PREX1: variants seen among roughly 807,000 people sequenced by gnomAD.
PREX1 encodes the protein phosphatidylinositol 3,4,5-trisphosphate-dependent Rac exchanger 1 protein.
In PREX1, 41 loss-of-function variants were observed where a neutral mutation model predicts 198.3. The ratio of observed to expected loss-of-function variants is 0.21; its 90% CI spans 0.16 to 0.27. PREX1 has a LOEUF of 0.27. Ranked by LOEUF, PREX1 falls within the 10% of genes least tolerant of loss-of-function variation. The pLI is 1.00. For synonymous variants in PREX1, 843 were observed against 887.2 expected (o/e 0.95, Z 0.89); for missense variants, 1,620 against 2,200.7 (o/e 0.74, Z 5.28).
At chr20:48,772,379 T>C (rs955768634) in intron 1 of PREX1, among the ~76,000 whole-genome samples, 2 of 152,136 alleles carry the variant, frequency 1.3e-5, no homozygotes, top group African/African-American at 4.8e-5. Context: ...GGCAGCCCTG[T>C]TTCTGGTGAA....
intron 1 of PREX1, among the ~76,000 whole-genome samples, chr20:48,808,640 A>G (rs991130207): frequency 1.3e-5 from 2 of 151,980 alleles, no homozygotes; most frequent in Non-Finnish European, 2.9e-5. Flanking sequence ...ACACCACCTC[A>G]CTCAGCGACA....
chr20:48,650,724 C>T (rs544020463), intron 23 of PREX1, among the ~76,000 whole-genome samples, 170 bp downstream of exon 23: 2 of 152,362 alleles, frequency 1.3e-5, no homozygotes, highest in Non-Finnish European at 1.5e-5. Context: ...GGCCGCACTG[C>T]TATGATGTGA....
intron 1 of PREX1, among the ~76,000 whole-genome samples, chr20:48,793,293 A>G (rs566658071): frequency 6.6e-5 from 10 of 152,296 alleles, no homozygotes; most frequent in East Asian, 1.9e-4. Context: ...GTGACTACCA[A>G]TGGGTTTGGG....
intron 9 of PREX1, 138 bp from the exon 10 acceptor site, chr20:48,688,942 G>T: frequency 2.1e-6 from 2 of 968,246 alleles, no homozygotes; most frequent in East Asian, 2.5e-5. Flanking sequence ...CCACCACCAC[G>T]CCAGCAGCAG....
At chr20:48,842,264 C>T in the PREX1 span, among the ~76,000 whole-genome samples, 2 of 152,088 alleles carry the variant, frequency 1.3e-5, no homozygotes, top group South Asian at 2.1e-4. Flanking sequence ...TTTCTCCTAC[C>T]AATAACTTTC....
At chr20:48,773,458 G>A (rs961440867) in intron 1 of PREX1, among the ~76,000 whole-genome samples, 1 of 152,128 alleles carries the variant, frequency 6.6e-6, no homozygotes, top group Non-Finnish European at 1.5e-5. Flanking sequence ...CAACCACAGA[G>A]CAGCAAGGAA....
At chr20:48,813,482 C>T (rs2090445475) in intron 1 of PREX1, among the ~76,000 whole-genome samples, 1 of 152,198 alleles carries the variant, frequency 6.6e-6, no homozygotes, top group Non-Finnish European at 1.5e-5. Context: ...ATAGACTGTG[C>T]ATTGTATCAT....
At chr20:48,869,445 T>C in the PREX1 span, among the ~76,000 whole-genome samples, 1 of 152,106 alleles carries the variant, frequency 6.6e-6, no homozygotes, top group Non-Finnish European at 1.5e-5. Flanking sequence ...ATTACAGGCA[T>C]GAGCTACCTT....
rs6066833 is a variant in PREX1, at chr20:48,737,957, G to A, written c.415-3307C>T. 2.9e-4 allele frequency among the ~76,000 whole-genome samples: 44 copies of A among 152,272 alleles called. No individual in the cohort carries two copies. The East Asian group carries it at 5.0e-3, about 17-fold the overall frequency. ...CACTGACATGCATCAGTAAAGTCCT[G>A]TATTTGTTTAAGCCTATCTGAACTG... On this transcript the variant is annotated intron_variant, in intron 3 of 39. Coordinates refer to ENST00000371941, the MANE Select transcript of PREX1 (RefSeq NM_020820.4).
chr20:48,836,916 A>G, the PREX1 span, among the ~76,000 whole-genome samples: 2 of 150,780 alleles, frequency 1.3e-5, no homozygotes, highest in East Asian at 3.9e-4. Context: ...AAAAAAAAAA[A>G]AAAAAAAAAA....
intron 16 of PREX1, among the ~76,000 whole-genome samples, chr20:48,659,572 T>C (rs1301840155): frequency 6.6e-6 from 1 of 152,046 alleles, no homozygotes; most frequent in South Asian, 2.1e-4. Flanking sequence ...AGCCTCTGTC[T>C]TGACTGCCTG....
At chr20:48,698,862 G>A (rs556076947) in intron 7 of PREX1, among the ~76,000 whole-genome samples, 78 of 152,318 alleles carry the variant, frequency 5.1e-4, no homozygotes, top group Middle Eastern at 3.4e-3. Context: ...CTGATCTTCC[G>A]TGGTCCTAAG....
intron 6 of PREX1, among the ~76,000 whole-genome samples, chr20:48,707,696 A>C (rs1414416295): frequency 6.6e-6 from 1 of 152,172 alleles, no homozygotes; most frequent in Non-Finnish European, 1.5e-5. Flanking sequence ...TAATCTAAGG[A>C]AGGCAAGGGG....
intron 1 of PREX1, among the ~76,000 whole-genome samples, chr20:48,753,059 T>C (rs2090140927): frequency 6.6e-6 from 1 of 152,176 alleles, no homozygotes; most frequent in Non-Finnish European, 1.5e-5. Context: ...TATCCAGGTC[T>C]TCTGGGGCAT....
At position 48,652,705 on chromosome 20, in the gene PREX1, C is replaced by G. The variant is rs1328075600; in HGVS notation, c.2348G>C (p.Gly783Ala). Residue 783 changes from glycine to alanine, a missense_variant and splice_region_variant, in exon 21 of 40, where the codon GGC becomes GCC. By Grantham distance (60) the Gly-to-Ala change is moderately conservative. This residue lies in a region of PREX1 where 514 missense variants were observed against 611.6 expected (regional missense o/e 0.84). Coordinates refer to ENST00000371941, the MANE Select transcript of PREX1 (RefSeq NM_020820.4). ...AFRSRREEAL[G>A]LYQWIYHTHE... ...GGTGTGGTAGATCCACTGGTACAGGCCCTGCCAGAAGCCAGAGTAAGGGGA... is the reference window on the plus strand; with the variant it reads ...GGTGTGGTAGATCCACTGGTACAGGGCCTGCCAGAAGCCAGAGTAAGGGGA... The G allele has an allele frequency of 3.7e-6, 6 of 1,611,084 alleles. No homozygotes were observed. The African/African-American group carries it at 5.3e-5, about 14-fold the overall frequency.
At chr20:48,650,718 G>A (rs190833557) in intron 23 of PREX1, among the ~76,000 whole-genome samples, 176 bp downstream of exon 23, 14 of 152,358 alleles carry the variant, frequency 9.2e-5, no homozygotes, top group Admixed American at 8.5e-4. Context: ...CGGAGAGGCC[G>A]CACTGCTATG....
chr20:48,683,016 A>C (rs1286454422), intron 10 of PREX1, among the ~76,000 whole-genome samples: 1 of 152,180 alleles, frequency 6.6e-6, no homozygotes, highest in Non-Finnish European at 1.5e-5. Flanking sequence ...CTGGAGGCAG[A>C]GTGGGCTGCA....
chr20:48,772,959 T>C (rs926706018), intron 1 of PREX1, among the ~76,000 whole-genome samples: 1 of 152,104 alleles, frequency 6.6e-6, no homozygotes, highest in Non-Finnish European at 1.5e-5. Flanking sequence ...CAGCACACAG[T>C]AGGTGCTCAA....
At chr20:48,839,588 TCA>T in the PREX1 span, among the ~76,000 whole-genome samples, 1 of 152,228 alleles carries the variant, frequency 6.6e-6, no homozygotes, top group African/African-American at 2.4e-5. Context: ...AACTCCATGC[TCA>T]GTGTTCCATT....
Sources: allele counts gnomAD v4.1 joint callset (sites outside exome capture counted in the v4.1 genomes callset), GRCh38; gene constraint gnomAD v4.1.1; regional missense constraint gnomAD v4.1.1; transcripts MANE v1.5; gene names NCBI Gene and HGNC (gene_info 2026-07-23, HGNC 2026-07-21).